The following GABRA6 variants were observed in gnomAD, a reference collection of about 807,000 sequenced individuals.
GABRA6 encodes the protein gamma-aminobutyric acid receptor subunit alpha-6.
Under a neutral mutation model 47.3 loss-of-function variants are expected in GABRA6, and 45 were observed. The ratio of observed to expected loss-of-function variants is 0.95; its 90% CI spans 0.75 to 1.22. The LOEUF is 1.22. Ranked by LOEUF, GABRA6 falls within the 50% of genes most tolerant of loss-of-function variation. GABRA6 has a pLI of 0.00. For missense variants in GABRA6, 583 were observed against 549.3 expected, an observed-to-expected ratio of 1.06 and a Z score of -0.61; for synonymous variants, 219 against 194.7, an observed-to-expected ratio of 1.12 and a Z score of -1.04.
At chr5:161,701,196 G>A (rs17059666) in intron 8 of GABRA6, among the ~76,000 whole-genome samples, 5 of 152,018 alleles carry the variant, frequency 3.3e-5, no homozygotes, top group African/African-American at 4.8e-5. Context: ...AACCTGGCTC[G>A]TCTTTCCCTA....
rs1300042138 is a variant in GABRA6 at position 161,694,342 on chromosome 5, A to AC, written c.1086+2142_1086+2143insC. 3.3e-5 allele frequency among the ~76,000 whole-genome samples: 5 copies of AC among 151,814 alleles called. No homozygotes were observed. The East Asian group carries it at 9.6e-4, about 29-fold the overall frequency. On this transcript the variant is annotated intron_variant, in intron 8 of 8. Transcript: ENST00000274545. Reference sequence around the variant, plus strand: ...AAAAGATCGTCAAAAACAGAAAAAAAAGGATCCATTTTGAATATGCTCATA... The same window carrying AC: ...AAAAGATCGTCAAAAACAGAAAAAAACAGGATCCATTTTGAATATGCTCATA...
At chr5:161,697,391 C>A (rs1754902092) in intron 8 of GABRA6, among the ~76,000 whole-genome samples, 1 of 152,226 alleles carries the variant, frequency 6.6e-6, no homozygotes, top group South Asian at 2.1e-4. Context: ...GATGTCCAAT[C>A]TCCTTGTTCT....
chr5:161,694,499 A>T (rs901723741), intron 8 of GABRA6, among the ~76,000 whole-genome samples: 6 of 152,058 alleles, frequency 3.9e-5, no homozygotes, highest in African/African-American at 1.4e-4. Context: ...TATTTTAAAG[A>T]TATAATTTAT....
At chr5:161,691,792 A>T (rs1179645806) in intron 7 of GABRA6, 149 bp from the exon 8 acceptor site, 1 of 692,120 alleles carries the variant, frequency 1.4e-6, no homozygotes, top group Non-Finnish European at 2.5e-6. Context: ...TTATGATAAT[A>T]ATTATGAACA....
intron 5 of GABRA6, 30 bp downstream of exon 5, chr5:161,689,366 A>G (rs1191854225): frequency 1.3e-6 from 2 of 1,544,198 alleles, no homozygotes; most frequent in East Asian, 4.5e-5. Flanking sequence ...TGAGAGTCAA[A>G]TAATACATCC....
At chr5:161,692,429 T>G (rs551857359) in intron 8 of GABRA6, among the ~76,000 whole-genome samples, 19 of 152,314 alleles carry the variant, frequency 1.2e-4, no homozygotes, top group African/African-American at 4.6e-4. Flanking sequence ...TCATCCTCAC[T>G]TATACTGGCA....
chr5:161,686,048 T>C lies in GABRA6; in HGVS notation c.38+21T>C, dbSNP rs1345571716. The C allele has an allele frequency of 2.5e-6, 4 of 1,611,170 alleles. No individual in the cohort carries two copies. In the African/African-American group the frequency reaches 4.0e-5, roughly 16 times the overall value. ...CTGTGGTGAGTAAGATCCTTTTTCC[T>C]GATTTTTCTTTTTATCTCAGAGGAA... On this transcript the variant is annotated intron_variant, in intron 1 of 8. Transcript: ENST00000274545.
chr5:161,700,340 C>T (rs1282894233), intron 8 of GABRA6, among the ~76,000 whole-genome samples: 1 of 152,148 alleles, frequency 6.6e-6, no homozygotes, highest in Non-Finnish European at 1.5e-5. Flanking sequence ...TTTACAATAT[C>T]AGGGGTAATG....
At chr5:161,692,222 C>G (rs1561725618) in intron 8 of GABRA6, 22 bp downstream of exon 8, 6 of 1,613,916 alleles carry the variant, frequency 3.7e-6, no homozygotes, top group Non-Finnish European at 5.1e-6. Context: ...CTTTTTCTAT[C>G]ATTACCTACC....
At position 161,686,323 on chromosome 5, in the gene GABRA6, C is replaced by T. The variant is rs556539275; in HGVS notation, c.132C>T (p.Asp44=). ...TGGACAACTTGCTTGAAGGCTATGA[C>T]AATCGGCTGCGGCCGGGATTTGGAG... ...RILDNLLEGY[D]NRLRPGFGGA... The change falls in exon 2 of 9, where the codon GAC becomes GAT. Residue 44 remains aspartate (D), a synonymous_variant. Transcript: ENST00000274545. 20 of 1,613,916 alleles carry T rather than the reference C, an allele frequency of 1.2e-5. 1 individual carries two copies. In the South Asian group the frequency reaches 2.1e-4, roughly 17 times the overall value.
intron 8 of GABRA6, 75 bp downstream of exon 8, chr5:161,692,275 T>C (rs920562311): frequency 2.5e-6 from 4 of 1,570,840 alleles, no homozygotes; most frequent in Admixed American, 3.3e-5. Flanking sequence ...ACAACGAAAG[T>C]GTCCAAAAGT....
At position 161,685,969 on chromosome 5, in the gene GABRA6, T is replaced by TGCATTTCAGTGCACTG; in HGVS notation, c.-20_-5dup. On this transcript the variant is annotated 5_prime_UTR_variant, in exon 1 of 9. Coordinates refer to ENST00000274545, the MANE Select transcript of GABRA6 (RefSeq NM_000811.3). ...AGGACGACCCTAGGAGGGTGAATTCTGCATTTCAGTGCACTGCAGGATGGC... is the reference window on the plus strand; with the variant it reads ...AGGACGACCCTAGGAGGGTGAATTCTGCATTTCAGTGCACTGGCATTTCAGTGCACTGCAGGATGGC... 1 of 1,612,214 alleles carries TGCATTTCAGTGCACTG rather than the reference T, an allele frequency of 6.2e-7. No individual in the cohort carries two copies. The highest frequency in any genetic ancestry group is 8.5e-7 in the Non-Finnish European group (1 of 1,178,218).
chr5:161,691,527 C>T (rs1754790674), intron 7 of GABRA6, among the ~76,000 whole-genome samples: 1 of 151,762 alleles, frequency 6.6e-6, no homozygotes, highest in Non-Finnish European at 1.5e-5. Flanking sequence ...GTCTCGATCT[C>T]CTGACCTCGT....
intron 8 of GABRA6, among the ~76,000 whole-genome samples, chr5:161,695,562 G>C (rs1754872702): frequency 6.6e-6 from 1 of 151,896 alleles, no homozygotes. Flanking sequence ...TCCTTGATTT[G>C]TTTTTGCATA....
At chr5:161,691,695 A>G (rs1355234497) in intron 7 of GABRA6, among the ~76,000 whole-genome samples, 1 of 152,104 alleles carries the variant, frequency 6.6e-6, no homozygotes, top group Non-Finnish European at 1.5e-5. Context: ...TACAATAACT[A>G]GTTCAATTCA....
Position 161,692,002 on chromosome 5 carries a change from A to C in GABRA6, c.888A>C (p.Lys296Asn). The change falls in exon 8 of 9, where the codon AAA becomes AAC. Residue 296 changes from lysine (K) to asparagine (N), a missense_variant. Transcript: ENST00000274545. The stretch of plus-strand genomic sequence containing the variant: ...TCAGTGCCCGGCACTCTTTGCCAAA[A>C]GTGTCATATGCCACTGCCATGGATT... ...LSISARHSLP[K>N]VSYATAMDWF... 1 of 1,614,134 alleles carries C rather than the reference A, an allele frequency of 6.2e-7. No homozygotes were observed. Among genetic ancestry groups the C allele is most frequent in the Non-Finnish European group, 8.5e-7 (1 of 1,180,000 alleles).
chr5:161,692,372 C>T (rs931164140), intron 8 of GABRA6, among the ~76,000 whole-genome samples, 172 bp downstream of exon 8: 1 of 152,142 alleles, frequency 6.6e-6, no homozygotes, highest in African/African-American at 2.4e-5. Context: ...AGCTATGGAA[C>T]AATCCTTCAT....
intron 3 of GABRA6, among the ~76,000 whole-genome samples, chr5:161,688,204 A>G (rs2113067970): frequency 6.6e-6 from 1 of 152,308 alleles, no homozygotes; most frequent in Middle Eastern, 3.4e-3. Flanking sequence ...TGCTTGCCAT[A>G]ATACGTTTCA....
chr5:161,687,455 G>A, intron 3 of GABRA6: 1 of 447,594 alleles, frequency 2.2e-6, no homozygotes, highest in South Asian at 1.6e-5. Flanking sequence ...AGGTCATTTG[G>A]AAAGGCTGAT....
Sources: gnomAD v4.1 joint callset for allele counts (sites outside exome capture counted in the v4.1 genomes callset) on GRCh38, gnomAD v4.1.1 for gene constraint, MANE v1.5 for transcripts, NCBI Gene and HGNC (gene_info 2026-07-23, HGNC 2026-07-21) for gene names.